The following TRAF3IP1 variants were observed in gnomAD, a reference collection of about 807,000 sequenced individuals.
TRAF3IP1 encodes the protein TRAF3-interacting protein 1.
Under a neutral mutation model 89.9 loss-of-function variants are expected in TRAF3IP1, and 53 were observed. The observed-to-expected ratio is 0.59, with a 90% CI of 0.47 to 0.74. The LOEUF is 0.74. TRAF3IP1 is among the 30% of genes least tolerant of loss of function. The pLI is 0.00. For missense variants in TRAF3IP1, 806 were observed against 866.1 expected (o/e 0.93, Z 0.87); for synonymous variants, 311 against 322.1 (o/e 0.97, Z 0.37).
chr2:238,388,593 C>CTTTTTTT (rs752954955), intron 15 of TRAF3IP1, among the ~76,000 whole-genome samples: 4 of 104,196 alleles, frequency 3.8e-5, no homozygotes, highest in Admixed American at 1.2e-4. Context: ...AAGAACACAA[C>CTTTTTTT]TTTTTTTTTT....
rs535750555 is a variant in TRAF3IP1 at position 238,323,641 on chromosome 2, T to C, written c.124-1665T>C. ...GTGGGACTGTCTTGTTTTTAAAACA[T>C]GTCTTCCCGTAATAAATATGCTTTA... On this transcript the variant is annotated intron_variant, in intron 1 of 16. Coordinates refer to ENST00000373327, the MANE Select transcript of TRAF3IP1 (RefSeq NM_015650.4). 6.2e-4 allele frequency among the ~76,000 whole-genome samples: 94 copies of C among 152,316 alleles called. 3 individuals are homozygous for C. The South Asian group carries it at 0.017, about 28-fold the overall frequency.
chr2:238,356,171 A>G (rs1011259225), intron 15 of TRAF3IP1, 91 bp downstream of exon 15: 2 of 1,033,346 alleles, frequency 1.9e-6, no homozygotes, highest in African/African-American at 3.2e-5. Context: ...TTTCAATATT[A>G]CCATTATCAG....
At position 238,338,457 on chromosome 2, in the gene TRAF3IP1, G is replaced by T. The variant is rs538383901; in HGVS notation, c.1159G>T (p.Gly387Ter). 7.8e-6 allele frequency: 12 copies of T among 1,539,388 alleles called. No homozygotes were observed. In the South Asian group the frequency reaches 1.4e-4, roughly 18 times the overall value. Residue 387 changes from glycine to a stop codon, truncating the protein, a stop_gained and splice_region_variant, in exon 8 of 17, where the codon GGA becomes TGA. Transcript: ENST00000373327. LOFTEE classifies it high-confidence loss of function. ...PNQETTTSEI[G>*]TKEANINSTS... ...TCAGGAAACGACAACATCAGAAATA[G>T]GTAAGAAAAATATATTCTTTAGTTT...
At chr2:238,376,109 A>G (rs1055843730) in intron 15 of TRAF3IP1, among the ~76,000 whole-genome samples, 18 of 152,146 alleles carry the variant, frequency 1.2e-4, no homozygotes, top group African/African-American at 4.3e-4. Flanking sequence ...TGTTGCCACT[A>G]CTCAACTTTG....
intron 15 of TRAF3IP1, among the ~76,000 whole-genome samples, chr2:238,373,476 T>C (rs1373745960): frequency 6.6e-6 from 1 of 152,232 alleles, no homozygotes; most frequent in Non-Finnish European, 1.5e-5. Context: ...GCCTCTGTTC[T>C]GTTCCATTGG....
chr2:238,343,204 G>A (rs1698737762), intron 8 of TRAF3IP1, among the ~76,000 whole-genome samples: 3 of 151,898 alleles, frequency 2.0e-5, no homozygotes, highest in Admixed American at 6.6e-5. Flanking sequence ...TCCTGCCTTA[G>A]CCTCCCGAGT....
At chr2:238,363,156 A>G (rs1410026084) in intron 15 of TRAF3IP1, among the ~76,000 whole-genome samples, 1 of 152,220 alleles carries the variant, frequency 6.6e-6, no homozygotes, top group African/African-American at 2.4e-5. Context: ...TTTCAGTTTT[A>G]TAGATACTCA....
At chr2:238,365,677 AAAAT>A (rs994937121) in intron 15 of TRAF3IP1, among the ~76,000 whole-genome samples, 37 of 151,982 alleles carry the variant, frequency 2.4e-4, no homozygotes, top group African/African-American at 7.7e-4. Flanking sequence ...AATAAAAATA[AAAAT>A]AAATAAATAA....
chr2:238,354,080 C>T (rs573642701), intron 14 of TRAF3IP1, among the ~76,000 whole-genome samples: 22 of 152,290 alleles, frequency 1.4e-4, no homozygotes, highest in African/African-American at 5.1e-4. Context: ...AGCCTAGTCA[C>T]GGATTTTTAA....
chr2:238,374,913 G>A (rs1420358663), intron 15 of TRAF3IP1, among the ~76,000 whole-genome samples: 1 of 152,134 alleles, frequency 6.6e-6, no homozygotes, highest in Admixed American at 6.5e-5. Context: ...TAGTTTATTT[G>A]TGTAGAGGTG....
chr2:238,346,736 G>A (rs1024444559), intron 9 of TRAF3IP1, among the ~76,000 whole-genome samples: 4 of 152,206 alleles, frequency 2.6e-5, no homozygotes, highest in Non-Finnish European at 4.4e-5. Context: ...CCTCTCTGCC[G>A]TATAGTGTGC....
rs933408674 is a variant in TRAF3IP1, at chr2:238,376,191, A to G, written c.1689+20111A>G. On this transcript the variant is annotated intron_variant, in intron 15 of 16. Transcript: ENST00000373327. ...CGTGGCTGGTTTCCAATAGGGCTTT[A>G]TTTATTTATGGACACTGAAACGTGA... Among the ~76,000 whole-genome samples, 12 of 152,340 alleles carry G rather than the reference A, an allele frequency of 7.9e-5. No individual in the cohort carries two copies. The East Asian group carries it at 1.5e-3, about 20-fold the overall frequency.
rs150033164 is a variant in TRAF3IP1, at chr2:238,356,069, C to A, written c.1678C>A (p.Pro560Thr). The stretch of plus-strand genomic sequence containing the variant: ...TGAGAAATTGCAGCAGTCACCCAAA[C>A]CTGGGGAGAAGGTAATGGAATGATT... ...DYEKLQQSPK[P>T]GEKERSLFES... The change falls in exon 15 of 17, where the codon CCT (proline) becomes ACT (threonine). Residue 560 changes from proline to threonine, a missense_variant. This residue lies in a region of TRAF3IP1 where 732 missense variants were observed against 780.5 expected (regional missense o/e 0.94). Transcript: ENST00000373327. 3.1e-6 allele frequency: 5 copies of A among 1,613,192 alleles called. No homozygotes were observed. In the African/African-American group the frequency reaches 4.0e-5, roughly 13 times the overall value.
chr2:238,341,654 C>T (rs977529746), intron 8 of TRAF3IP1, among the ~76,000 whole-genome samples: 5 of 151,738 alleles, frequency 3.3e-5, no homozygotes, highest in South Asian at 2.1e-4. Context: ...ATGGGCCGTA[C>T]GTCTGATTAG....
chr2:238,382,672 C>T (rs571186223), intron 15 of TRAF3IP1, among the ~76,000 whole-genome samples: 5 of 152,074 alleles, frequency 3.3e-5, no homozygotes, highest in Non-Finnish European at 7.4e-5. Flanking sequence ...TCGAGTGTCA[C>T]CAGCTTCCTC....
Position 238,353,191 on chromosome 2 carries a change from G to A in TRAF3IP1, c.1594G>A (p.Glu532Lys). The change falls in exon 14 of 17, where the codon GAA (glutamate) becomes AAA (lysine). Residue 532 changes from glutamate (E) to lysine (K), a missense_variant. By Grantham distance (56) the Glu-to-Lys change is moderately conservative. Coordinates refer to ENST00000373327, the MANE Select transcript of TRAF3IP1 (RefSeq NM_015650.4). ...TGCTCAGGTAACAGCAGTGGAACTA[G>A]AAGAAGAGGAGAAGCATGGTGAGTC... The part of the protein sequence containing the change: ...EIEMVTAVEL[E>K]EEEKHGGLVK... 6.2e-7 allele frequency: 1 copy of A among 1,614,184 alleles called. No individual in the cohort carries two copies. The highest frequency in any genetic ancestry group is 8.5e-7 in the Non-Finnish European group (1 of 1,180,028).
intron 15 of TRAF3IP1, among the ~76,000 whole-genome samples, chr2:238,370,809 G>T (rs1431174791): frequency 6.6e-6 from 1 of 152,204 alleles, no homozygotes; most frequent in Non-Finnish European, 1.5e-5. Flanking sequence ...AGTTAGAAGA[G>T]AAAGGGGGAA....
At chr2:238,371,680 T>C (rs1700118049) in intron 15 of TRAF3IP1, among the ~76,000 whole-genome samples, 1 of 152,362 alleles carries the variant, frequency 6.6e-6, no homozygotes, top group East Asian at 1.9e-4. Flanking sequence ...AACTGAAATA[T>C]ATCCTAAGTA....
At chr2:238,342,196 C>T (rs1256185359) in intron 8 of TRAF3IP1, among the ~76,000 whole-genome samples, 1 of 152,074 alleles carries the variant, frequency 6.6e-6, no homozygotes, top group Non-Finnish European at 1.5e-5. Context: ...ACCATGTTGG[C>T]CAGACTGGTC....
Sources: allele counts gnomAD v4.1 joint callset (sites outside exome capture counted in the v4.1 genomes callset), GRCh38; gene constraint gnomAD v4.1.1; regional missense constraint gnomAD v4.1.1; transcripts MANE v1.5; gene names NCBI Gene and HGNC (gene_info 2026-07-23, HGNC 2026-07-21).